The following ACCSL variants were observed in gnomAD, a reference collection of about 807,000 sequenced individuals.
ACCSL encodes 1-aminocyclopropane-1-carboxylate synthase homolog (inactive) like.
A neutral mutation model predicts 61.7 loss-of-function variants in ACCSL; 55 were observed. That is an observed-to-expected ratio of 0.89 (90% CI 0.72 to 1.12). The LOEUF (loss-of-function observed/expected upper bound fraction) is 1.12. Ranked by LOEUF, ACCSL falls within the 50% of genes most tolerant of loss-of-function variation. The pLI, the probability that ACCSL is intolerant of heterozygous loss-of-function variation, is 0.00. For missense variants in ACCSL, 632 were observed against 698.0 expected, an observed-to-expected ratio of 0.91 and a Z score of 1.07; for synonymous variants, 258 against 264.3, an observed-to-expected ratio of 0.98 and a Z score of 0.23.
chr11:43,950,463 A>C, the ACCSL span, among the ~76,000 whole-genome samples: 1 of 152,338 alleles, frequency 6.6e-6, no homozygotes, highest in East Asian at 1.9e-4. Context: ...TTGACTCATA[A>C]AGGCCATCTC....
chr11:44,040,292 C>A, the ACCSL span, among the ~76,000 whole-genome samples: 1 of 152,162 alleles, frequency 6.6e-6, no homozygotes, highest in Non-Finnish European at 1.5e-5. Flanking sequence ...AGTACGTAGG[C>A]CCAGGCCTAG....
chr11:44,036,040 G>A, the ACCSL span, among the ~76,000 whole-genome samples: 7 of 151,954 alleles, frequency 4.6e-5, no homozygotes, highest in Non-Finnish European at 1.0e-4. Flanking sequence ...GAGAACTTCA[G>A]TGCCCTTTGA....
At chr11:43,986,659 G>A in the ACCSL span, among the ~76,000 whole-genome samples, 2 of 152,128 alleles carry the variant, frequency 1.3e-5, no homozygotes, top group African/African-American at 4.8e-5. Context: ...TATTTTCTGG[G>A]ATCAGCCTAA....
chr11:43,932,353 C>T, the ACCSL span, among the ~76,000 whole-genome samples: 5 of 152,088 alleles, frequency 3.3e-5, no homozygotes, highest in Admixed American at 2.0e-4. Flanking sequence ...CTGCACCCTC[C>T]GCCTCCCGGG....
At chr11:44,000,785 G>C in the ACCSL span, among the ~76,000 whole-genome samples, 4 of 150,644 alleles carry the variant, frequency 2.7e-5, no homozygotes, top group African/African-American at 9.7e-5. Context: ...AAAGTATATG[G>C]GAGGATGTGC....
chr11:43,964,202 T>C, the ACCSL span, among the ~76,000 whole-genome samples: 2 of 152,158 alleles, frequency 1.3e-5, no homozygotes, highest in African/African-American at 4.8e-5. Context: ...CCCAGCACTT[T>C]GGGAGCTGAG....
intron 7 of ACCSL, 100 bp downstream of exon 7, chr11:44,053,168 C>A: frequency 8.9e-7 from 1 of 1,126,692 alleles, no homozygotes; most frequent in Non-Finnish European, 1.3e-6. Flanking sequence ...ACCTGGTGGG[C>A]TGTCCTTAGT....
chr11:43,944,801 C>A, the ACCSL span: 4 of 152,454 alleles, frequency 2.6e-5, no homozygotes, highest in Non-Finnish European at 5.9e-5. Context: ...AGGTAACAAA[C>A]TACATTTGGT....
At chr11:44,048,732 A>G (rs1565157887) in intron 1 of ACCSL, among the ~76,000 whole-genome samples, 192 bp downstream of exon 1, 2 of 152,132 alleles carry the variant, frequency 1.3e-5, no homozygotes, top group Non-Finnish European at 2.9e-5. Context: ...AGAGAACTCC[A>G]TCCACCCCCA....
the ACCSL span, among the ~76,000 whole-genome samples, chr11:43,929,551 C>T: frequency 1.3e-5 from 2 of 152,092 alleles, no homozygotes; most frequent in Non-Finnish European, 2.9e-5. Context: ...GGATTACAGG[C>T]ACCTGCCACC....
the ACCSL span, among the ~76,000 whole-genome samples, chr11:43,975,827 G>T: frequency 2.0e-5 from 3 of 152,200 alleles, no homozygotes; most frequent in Admixed American, 1.3e-4. Flanking sequence ...GAACTAGAAG[G>T]TGTGGCCAAG....
chr11:44,037,871 GCATCCATC>G, the ACCSL span, among the ~76,000 whole-genome samples: 90 of 149,396 alleles, frequency 6.0e-4, no homozygotes, highest in African/African-American at 1.9e-3. Flanking sequence ...ATCCATCCAT[GCATCCATC>G]CATCCATCCA....
At chr11:43,948,057 G>A in the ACCSL span, among the ~76,000 whole-genome samples, 3 of 152,170 alleles carry the variant, frequency 2.0e-5, no homozygotes, top group Non-Finnish European at 4.4e-5. Flanking sequence ...GTAATAGGTG[G>A]CCATCCCAGC....
At chr11:44,004,748 C>A in the ACCSL span, among the ~76,000 whole-genome samples, 3 of 152,150 alleles carry the variant, frequency 2.0e-5, no homozygotes, top group African/African-American at 7.2e-5. Flanking sequence ...AGTCCAAGAC[C>A]AGCAGCATTG....
chr11:43,938,897 C>A, the ACCSL span, among the ~76,000 whole-genome samples: 2 of 152,138 alleles, frequency 1.3e-5, no homozygotes, highest in Admixed American at 6.5e-5. Context: ...AATACTTTGC[C>A]ACAGGGGCGA....
chr11:43,991,835 C>G, the ACCSL span, among the ~76,000 whole-genome samples: 1 of 151,910 alleles, frequency 6.6e-6, no homozygotes, highest in Non-Finnish European at 1.5e-5. Flanking sequence ...CCCCAAAGCC[C>G]ACCAGCCCAG....
the ACCSL span, chr11:43,943,740 C>T: frequency 7.7e-7 from 1 of 1,304,388 alleles, no homozygotes; most frequent in Non-Finnish European, 1.0e-6. This position sits in a 1 kb window ranked among gnomAD's most constrained non-coding sequence, Gnocchi z 4.8. Flanking sequence ...TTGGGCGCAG[C>T]GCGGCTGCTA....
At chr11:44,024,514 C>T in the ACCSL span, among the ~76,000 whole-genome samples, 1 of 149,908 alleles carries the variant, frequency 6.7e-6, no homozygotes. Flanking sequence ...TTTCTCTGGA[C>T]AACCCTAACT....
the ACCSL span, among the ~76,000 whole-genome samples, chr11:43,946,042 G>A: frequency 1.3e-5 from 2 of 152,172 alleles, no homozygotes; most frequent in Non-Finnish European, 2.9e-5. Flanking sequence ...AAGAGGTGCT[G>A]AGGAAAATCC....
Sources: allele counts gnomAD v4.1 joint callset (sites outside exome capture counted in the v4.1 genomes callset), GRCh38; gene constraint gnomAD v4.1.1; non-coding constraint Gnocchi (gnomAD v3.1); transcripts MANE v1.5; gene names NCBI Gene and HGNC (gene_info 2026-07-23, HGNC 2026-07-21).